The following TMEM117 variants were observed in gnomAD, a reference collection of about 807,000 sequenced individuals.
The protein encoded by TMEM117 is transmembrane protein 117.
A neutral mutation model predicts 52.4 loss-of-function variants in TMEM117; 27 were observed. The ratio of observed to expected loss-of-function variants is 0.51; its 90% CI spans 0.38 to 0.71. The LOEUF (loss-of-function observed/expected upper bound fraction) is 0.71. Among genes scored for constraint, TMEM117 ranks in the 30% least tolerant of loss-of-function variants. The probability of loss-of-function intolerance (pLI) is 0.00; values close to 1 mark genes in which losing one functional copy is unlikely to be tolerated. For missense variants in TMEM117, 556 were observed against 630.5 expected (o/e 0.88, Z 1.26); for synonymous variants, 215 against 206.3 (o/e 1.04, Z -0.36).
At chr12:44,340,714 A>G (rs559136588) in intron 6 of TMEM117, among the ~76,000 whole-genome samples, 2 of 152,182 alleles carry the variant, frequency 1.3e-5, no homozygotes, top group South Asian at 2.1e-4. Context: ...AGGAGGATAG[A>G]TCATTGATTT....
chr12:44,325,655 A>T (rs1397356238), intron 6 of TMEM117, among the ~76,000 whole-genome samples: 1 of 151,910 alleles, frequency 6.6e-6, no homozygotes, highest in Non-Finnish European at 1.5e-5. Flanking sequence ...TTCCTGTTAT[A>T]TATGTTACAC....
intron 3 of TMEM117, among the ~76,000 whole-genome samples, chr12:44,045,712 G>A (rs112625895): frequency 0.094 from 14,247 of 152,042 alleles, 1,078 homozygotes; most frequent in African/African-American, 0.2. Flanking sequence ...GCGTGGTGGC[G>A]GGCATCTGTA....
intron 3 of TMEM117, among the ~76,000 whole-genome samples, chr12:43,991,338 C>T (rs188948818): frequency 6.6e-6 from 1 of 152,294 alleles, no homozygotes; most frequent in African/African-American, 2.4e-5. Flanking sequence ...CAAATCGTCA[C>T]ATAGTCTCCA....
rs932744286 is a variant in TMEM117 at position 43,865,889 on chromosome 12, T to C, written c.277+20961T>C. Among the ~76,000 whole-genome samples the C allele has an allele frequency of 2.0e-5, 3 of 151,748 alleles. No individual in the cohort carries two copies. In the East Asian group the frequency reaches 5.8e-4, roughly 29 times the overall value. On this transcript the variant is annotated intron_variant, in intron 2 of 7. Coordinates refer to ENST00000266534, the MANE Select transcript of TMEM117 (RefSeq NM_032256.3). ...TAATAATTAGTAAAATTAATACTCTTAGAGGAAGATAATAAAACAATGTAT... is the reference window on the plus strand; with the variant it reads ...TAATAATTAGTAAAATTAATACTCTCAGAGGAAGATAATAAAACAATGTAT...
intron 3 of TMEM117, among the ~76,000 whole-genome samples, chr12:44,098,905 C>A (rs1030558567): frequency 6.6e-6 from 1 of 152,060 alleles, no homozygotes; most frequent in African/African-American, 2.4e-5. Flanking sequence ...TCCCTTGTGT[C>A]ATTTCTTGAT....
chr12:43,893,105 C>CAGATTATGTTG (rs1944137633), intron 2 of TMEM117, among the ~76,000 whole-genome samples: 1 of 152,228 alleles, frequency 6.6e-6, no homozygotes, highest in African/African-American at 2.4e-5. Context: ...AGGCAACAAA[C>CAGATTATGTTG]AGATTATGTT....
At chr12:44,044,017 C>T (rs949299578) in intron 3 of TMEM117, among the ~76,000 whole-genome samples, 5 of 152,142 alleles carry the variant, frequency 3.3e-5, no homozygotes, top group Non-Finnish European at 7.3e-5. Context: ...GAAATGCCTG[C>T]CCTCCCTTGT....
chr12:44,369,987 A>C (rs956469625), intron 6 of TMEM117, among the ~76,000 whole-genome samples: 1 of 152,196 alleles, frequency 6.6e-6, no homozygotes, highest in Admixed American at 6.5e-5. Context: ...TCTATTGTTC[A>C]TCCTTCAAAT....
At chr12:43,983,206 G>C (rs1209012192) in intron 3 of TMEM117, among the ~76,000 whole-genome samples, 1 of 152,122 alleles carries the variant, frequency 6.6e-6, no homozygotes, top group East Asian at 1.9e-4. Context: ...GTCTCTGGTA[G>C]GCTTTGCAGG....
At chr12:44,352,229 A>C (rs968963752) in intron 6 of TMEM117, among the ~76,000 whole-genome samples, 1 of 151,852 alleles carries the variant, frequency 6.6e-6, no homozygotes, top group African/African-American at 2.4e-5. Context: ...AAATATATAC[A>C]CCTACTATGT....
At chr12:44,180,154 C>T (rs1949171901) in intron 4 of TMEM117, among the ~76,000 whole-genome samples, 3 of 152,084 alleles carry the variant, frequency 2.0e-5, no homozygotes, top group African/African-American at 7.2e-5. Context: ...CAGCCAGTTC[C>T]CAGTGTTAAC....
intron 4 of TMEM117, among the ~76,000 whole-genome samples, chr12:44,182,757 G>T (rs576581270): frequency 7.2e-5 from 11 of 152,128 alleles, no homozygotes; most frequent in African/African-American, 2.7e-4. Flanking sequence ...TCAGCAAGTG[G>T]ATGCAGGTAC....
chr12:44,053,167 C>T (rs1045256290), intron 3 of TMEM117, among the ~76,000 whole-genome samples: 5 of 152,154 alleles, frequency 3.3e-5, no homozygotes, highest in East Asian at 1.9e-4. Flanking sequence ...CCTTCAGATG[C>T]GAGCTGGACA....
At chr12:44,335,975 G>T (rs957766684) in intron 6 of TMEM117, among the ~76,000 whole-genome samples, 1 of 152,036 alleles carries the variant, frequency 6.6e-6, no homozygotes, top group African/African-American at 2.4e-5. Flanking sequence ...GGGTTTTTCT[G>T]TAGAAGAGAC....
chr12:44,369,039 C>T (rs1951827660), intron 6 of TMEM117, among the ~76,000 whole-genome samples: 1 of 151,998 alleles, frequency 6.6e-6, no homozygotes, highest in African/African-American at 2.4e-5. Context: ...TATTTGTACC[C>T]TCTTTCCCCT....
intron 5 of TMEM117, among the ~76,000 whole-genome samples, chr12:44,242,313 C>T (rs183633045): frequency 6.5e-4 from 98 of 151,712 alleles, no homozygotes; most frequent in African/African-American, 2.2e-3. Flanking sequence ...TCAAGTAGAC[C>T]CCAGTGTCTT....
At chr12:44,284,117 A>T (rs1950610176) in intron 5 of TMEM117, among the ~76,000 whole-genome samples, 1 of 152,192 alleles carries the variant, frequency 6.6e-6, no homozygotes, top group African/African-American at 2.4e-5. Flanking sequence ...GATGGAGACC[A>T]TCCTGGCCAA....
chr12:44,259,673 T>A (rs1484485666), intron 5 of TMEM117, among the ~76,000 whole-genome samples: 1 of 152,184 alleles, frequency 6.6e-6, no homozygotes, highest in Non-Finnish European at 1.5e-5. Flanking sequence ...TATCTAAATG[T>A]TTCCATGCAT....
At chr12:44,098,865 A>G (rs55977905) in intron 3 of TMEM117, among the ~76,000 whole-genome samples, 30,947 of 151,910 alleles carry the variant, frequency 0.2, 5,110 homozygotes, top group African/African-American at 0.46. Context: ...GAATAGGTAC[A>G]TTTATCTTTT....
Sources: gnomAD v4.1 joint callset for allele counts (sites outside exome capture counted in the v4.1 genomes callset) on GRCh38, gnomAD v4.1.1 for gene constraint, MANE v1.5 for transcripts, NCBI Gene and HGNC (gene_info 2026-07-23, HGNC 2026-07-21) for gene names.